The following FAM174A variants were observed in gnomAD, a reference collection of about 807,000 sequenced individuals.
FAM174A encodes the protein family with sequence similarity 174 member A.
In FAM174A, 14 loss-of-function variants were observed where a neutral mutation model predicts 14.3. That is an observed-to-expected ratio of 0.98 (90% CI 0.65 to 1.53). The LOEUF (loss-of-function observed/expected upper bound fraction) is 1.53. Ranked by LOEUF, FAM174A falls within the 40% of genes most tolerant of loss-of-function variation. FAM174A has a pLI of 0.00. For synonymous variants in FAM174A, 108 were observed against 111.4 expected (o/e 0.97, Z 0.19); for missense variants, 241 against 249.6 (o/e 0.97, Z 0.23).
intron 2 of FAM174A, among the ~76,000 whole-genome samples, chr5:100,580,711 T>A (rs1746994621): frequency 1.3e-5 from 2 of 152,318 alleles, no homozygotes; most frequent in African/African-American, 4.8e-5. Flanking sequence ...TTTGTATCCT[T>A]CAGTCCAATC....
chr5:100,552,652 A>T (rs900897802), intron 1 of FAM174A, among the ~76,000 whole-genome samples: 1 of 152,174 alleles, frequency 6.6e-6, no homozygotes, highest in Non-Finnish European at 1.5e-5. Context: ...GGTATCATAT[A>T]TTTCTACATA....
At chr5:100,567,997 A>G (rs1343019517) in intron 2 of FAM174A, among the ~76,000 whole-genome samples, 2 of 151,970 alleles carry the variant, frequency 1.3e-5, no homozygotes, top group Non-Finnish European at 2.9e-5. Context: ...GTTCATCACA[A>G]TTCTTGCCTG....
chr5:100,551,361 T>C (rs1052555118), intron 1 of FAM174A, among the ~76,000 whole-genome samples: 2 of 151,988 alleles, frequency 1.3e-5, no homozygotes, highest in African/African-American at 4.8e-5. Flanking sequence ...GATGACTGAG[T>C]GGAGCAGAGC....
chr5:100,554,048 C>T (rs1746315003), intron 1 of FAM174A, among the ~76,000 whole-genome samples: 1 of 151,926 alleles, frequency 6.6e-6, no homozygotes, highest in South Asian at 2.1e-4. Context: ...TAGTTTATTT[C>T]CAAAAATAAT....
chr5:100,555,311 C>G (rs1580368180), intron 1 of FAM174A, among the ~76,000 whole-genome samples: 1 of 152,098 alleles, frequency 6.6e-6, no homozygotes, highest in Non-Finnish European at 1.5e-5. Flanking sequence ...GCCACATTTT[C>G]TTAATCCAGT....
intron 2 of FAM174A, among the ~76,000 whole-genome samples, chr5:100,575,627 A>G (rs1349487307): frequency 6.6e-6 from 1 of 152,206 alleles, no homozygotes; most frequent in Non-Finnish European, 1.5e-5. Context: ...GGCATGGGCA[A>G]GGACTTCATG....
intron 1 of FAM174A, among the ~76,000 whole-genome samples, chr5:100,549,781 A>G (rs946499888): frequency 2.0e-5 from 3 of 152,124 alleles, no homozygotes; most frequent in Non-Finnish European, 4.4e-5. Flanking sequence ...TTTTAAAAAT[A>G]TGAAAAAATG....
intron 1 of FAM174A, among the ~76,000 whole-genome samples, chr5:100,560,152 GCTTT>G (rs1456854680): frequency 6.6e-6 from 1 of 152,058 alleles, no homozygotes; most frequent in Non-Finnish European, 1.5e-5. Flanking sequence ...CTGTTTGTTA[GCTTT>G]CTTTCTAACA....
intron 2 of FAM174A, among the ~76,000 whole-genome samples, chr5:100,571,651 T>C (rs762463354): frequency 7.2e-6 from 1 of 139,014 alleles, no homozygotes; most frequent in Non-Finnish European, 1.5e-5. Flanking sequence ...ATATATAAAG[T>C]ATATACCTAA....
chr5:100,551,362 G>A (rs901871203), intron 1 of FAM174A, among the ~76,000 whole-genome samples: 3 of 152,098 alleles, frequency 2.0e-5, no homozygotes, highest in Non-Finnish European at 4.4e-5. Flanking sequence ...ATGACTGAGT[G>A]GAGCAGAGCC....
intron 2 of FAM174A, among the ~76,000 whole-genome samples, chr5:100,563,548 G>A (rs1746573743): frequency 6.6e-6 from 1 of 151,768 alleles, no homozygotes; most frequent in Admixed American, 6.6e-5. Context: ...TAATTTATGG[G>A]ACTTTAATAT....
intron 1 of FAM174A, among the ~76,000 whole-genome samples, chr5:100,556,890 A>G (rs972475446): frequency 6.6e-6 from 1 of 152,178 alleles, no homozygotes; most frequent in African/African-American, 2.4e-5. Context: ...ATCTGCAAAC[A>G]GGGGCAATTT....
intron 1 of FAM174A, among the ~76,000 whole-genome samples, chr5:100,545,502 A>G (rs925926759): frequency 2.0e-5 from 3 of 152,120 alleles, no homozygotes; most frequent in African/African-American, 7.2e-5. Context: ...TTGGCATGTA[A>G]TGTCAATTCT....
At chr5:100,562,466 C>T (rs1442800914) in intron 2 of FAM174A, among the ~76,000 whole-genome samples, 4 of 151,570 alleles carry the variant, frequency 2.6e-5, no homozygotes, top group Admixed American at 6.6e-5. Flanking sequence ...AGTGCAGGGT[C>T]GTTACATAGG....
At chr5:100,559,644 T>C (rs1186460583) in intron 1 of FAM174A, among the ~76,000 whole-genome samples, 1 of 152,086 alleles carries the variant, frequency 6.6e-6, no homozygotes, top group African/African-American at 2.4e-5. Context: ...GCTTTGTTCG[T>C]TTCTTTTTAT....
intron 1 of FAM174A, among the ~76,000 whole-genome samples, chr5:100,549,414 C>T (rs1037882715): frequency 1.3e-5 from 2 of 152,180 alleles, no homozygotes; most frequent in Middle Eastern, 3.4e-3. Context: ...TGGAATACTT[C>T]AAAGCCAAAC....
chr5:100,575,305 G>A (rs1405766332), intron 2 of FAM174A, among the ~76,000 whole-genome samples: 1 of 151,892 alleles, frequency 6.6e-6, no homozygotes, highest in Non-Finnish European at 1.5e-5. Context: ...ACAATGTGCA[G>A]GTTTGTTACA....
chr5:100,552,295 A>G (rs1454686157), intron 1 of FAM174A, among the ~76,000 whole-genome samples: 5 of 152,180 alleles, frequency 3.3e-5, no homozygotes, highest in Admixed American at 6.6e-5. Context: ...TTCTAAGAAT[A>G]GTCAAGAAAA....
chr5:100,543,820 G>A lies in FAM174A; in HGVS notation c.434+7856G>A, dbSNP rs76169686. On this transcript the variant is annotated intron_variant, in intron 1 of 2. Coordinates refer to ENST00000312637, the MANE Select transcript of FAM174A (RefSeq NM_198507.3). The stretch of plus-strand genomic sequence containing the variant: ...ACATTTTTCAAGGATGGAATTCTTT[G>A]CATTCTTTCTTTATTCTCTTGTTTA... Among the ~76,000 whole-genome samples, 1,243 of 152,202 alleles carry A rather than the reference G, an allele frequency of 8.2e-3. 14 individuals are homozygous for A. The highest frequency in any genetic ancestry group is 0.029 in the African/African-American group (1,183 of 41,508).
Sources: gnomAD v4.1 joint callset for allele counts (sites outside exome capture counted in the v4.1 genomes callset) on GRCh38, gnomAD v4.1.1 for gene constraint, MANE v1.5 for transcripts, NCBI Gene and HGNC (gene_info 2026-07-23, HGNC 2026-07-21) for gene names.